Variants in FSTL5 observed in about 807,000 individuals in gnomAD.
The protein encoded by FSTL5 is follistatin-related protein 5.
Under a neutral mutation model 89.1 loss-of-function variants are expected in FSTL5, and 62 were observed. The ratio of observed to expected loss-of-function variants is 0.70; its 90% CI spans 0.57 to 0.86. FSTL5 has a LOEUF of 0.86. Among genes scored for constraint, FSTL5 ranks in the 40% least tolerant of loss-of-function variants. The pLI is 0.00. For missense variants in FSTL5, 1,057 were observed against 1,001.6 expected (o/e 1.06, Z -0.75); for synonymous variants, 383 against 346.2 (o/e 1.11, Z -1.18).
intron 3 of FSTL5, among the ~76,000 whole-genome samples, chr4:161,965,295 C>T (rs17459074): frequency 0.051 from 7,819 of 152,008 alleles, 248 homozygotes; most frequent in Non-Finnish European, 0.076. Context: ...ATGTTTGTAC[C>T]CCTTCTACAT....
intron 12 of FSTL5, among the ~76,000 whole-genome samples, chr4:161,488,434 A>G (rs1729751569): frequency 6.6e-6 from 1 of 152,136 alleles, no homozygotes; most frequent in South Asian, 2.1e-4. Flanking sequence ...TTTCAGCTAT[A>G]CAATAAAAAC....
intron 3 of FSTL5, among the ~76,000 whole-genome samples, chr4:161,931,334 A>G (rs1734277915): frequency 6.6e-6 from 1 of 151,900 alleles, no homozygotes; most frequent in Admixed American, 6.6e-5. Context: ...CTAGGTGAAT[A>G]TAGTGTGAGT....
chr4:161,553,026 A>C (rs1013464844), intron 8 of FSTL5, among the ~76,000 whole-genome samples: 1 of 151,712 alleles, frequency 6.6e-6, no homozygotes, highest in Non-Finnish European at 1.5e-5. Context: ...AAGTGTTGTC[A>C]CATTGGATTT....
chr4:162,050,766 G>GGAATTT (rs1738352991), intron 2 of FSTL5, among the ~76,000 whole-genome samples: 1 of 151,120 alleles, frequency 6.6e-6, no homozygotes, highest in Admixed American at 6.6e-5. Flanking sequence ...AGAAAACAAA[G>GGAATTT]GAATTTGAAT....
intron 4 of FSTL5, among the ~76,000 whole-genome samples, chr4:161,860,579 A>T (rs1016480281): frequency 6.6e-6 from 1 of 152,210 alleles, no homozygotes; most frequent in Non-Finnish European, 1.5e-5. Context: ...CGATGGTAAC[A>T]CACATCTAGG....
chr4:161,532,206 A>T (rs988401758), intron 10 of FSTL5, among the ~76,000 whole-genome samples: 7 of 152,136 alleles, frequency 4.6e-5, no homozygotes, highest in Admixed American at 4.6e-4. Context: ...TCTCCAAAAA[A>T]AAAAAAAGAA....
chr4:161,955,134 T>C (rs1403276657), intron 3 of FSTL5, among the ~76,000 whole-genome samples: 3 of 151,624 alleles, frequency 2.0e-5, no homozygotes, highest in Non-Finnish European at 4.4e-5. Flanking sequence ...AATTATGAAA[T>C]GTATAATTTT....
At chr4:161,484,798 G>A (rs999184493) in intron 12 of FSTL5, among the ~76,000 whole-genome samples, 2 of 152,118 alleles carry the variant, frequency 1.3e-5, no homozygotes, top group African/African-American at 4.8e-5. Context: ...AGGAGAGAAC[G>A]CTTGCTTTCA....
chr4:161,807,357 T>C (rs1730001916), intron 4 of FSTL5, among the ~76,000 whole-genome samples: 1 of 152,112 alleles, frequency 6.6e-6, no homozygotes. Flanking sequence ...TGAGCCATGG[T>C]TCCTAGCCCA....
At chr4:161,889,724 C>G (rs781054595) in intron 4 of FSTL5, among the ~76,000 whole-genome samples, 40 of 152,182 alleles carry the variant, frequency 2.6e-4, no homozygotes, top group Non-Finnish European at 3.7e-4. Flanking sequence ...AAACTGCCTC[C>G]TCTCCAGTTT....
At chr4:161,588,662 C>T (rs1056883144) in intron 7 of FSTL5, among the ~76,000 whole-genome samples, 1 of 152,038 alleles carries the variant, frequency 6.6e-6, no homozygotes, top group Non-Finnish European at 1.5e-5. Flanking sequence ...TTCACAATAG[C>T]CCACAGAGTA....
At chr4:161,583,270 G>A (rs950691221) in intron 8 of FSTL5, among the ~76,000 whole-genome samples, 6 of 152,048 alleles carry the variant, frequency 3.9e-5, no homozygotes, top group African/African-American at 1.4e-4. Flanking sequence ...CCCTCTTCCT[G>A]TTTCCCTGTT....
At chr4:161,860,887 T>A (rs565367996) in intron 4 of FSTL5, among the ~76,000 whole-genome samples, 1 of 151,988 alleles carries the variant, frequency 6.6e-6, no homozygotes, top group Non-Finnish European at 1.5e-5. Context: ...CTTCTCTCCC[T>A]CTCTCTCTTT....
At chr4:161,820,225 A>G (rs576420132) in intron 4 of FSTL5, among the ~76,000 whole-genome samples, 10 of 152,290 alleles carry the variant, frequency 6.6e-5, no homozygotes, top group African/African-American at 2.4e-4. Context: ...TTGGAAGATA[A>G]AGATTACAGG....
intron 1 of FSTL5, among the ~76,000 whole-genome samples, chr4:162,129,510 C>T (rs1436593935): frequency 6.6e-6 from 1 of 152,116 alleles, no homozygotes; most frequent in East Asian, 1.9e-4. Context: ...GCACAGTAAT[C>T]AACAAACACT....
intron 7 of FSTL5, among the ~76,000 whole-genome samples, chr4:161,612,190 C>A (rs1734677812): frequency 6.6e-6 from 1 of 152,070 alleles, no homozygotes; most frequent in Non-Finnish European, 1.5e-5. Context: ...TCAATTTTAA[C>A]ATTACTTTAG....
intron 2 of FSTL5, among the ~76,000 whole-genome samples, chr4:162,057,958 A>T (rs2111273537): frequency 6.6e-6 from 1 of 152,180 alleles, no homozygotes; most frequent in African/African-American, 2.4e-5. Flanking sequence ...GAATAAAAAT[A>T]ATAATAATAA....
At chr4:162,032,082 T>C (rs1477910607) in intron 3 of FSTL5, among the ~76,000 whole-genome samples, 1 of 152,170 alleles carries the variant, frequency 6.6e-6, no homozygotes, top group Non-Finnish European at 1.5e-5. Flanking sequence ...TCCTAGATAG[T>C]AGTTGGAAAA....
At chr4:162,074,856 A>T (rs1378517321) in intron 2 of FSTL5, among the ~76,000 whole-genome samples, 1 of 151,750 alleles carries the variant, frequency 6.6e-6, no homozygotes, top group Admixed American at 6.6e-5. Context: ...CCTACTAAAC[A>T]TCATACCTTA....
Sources: allele counts gnomAD v4.1 joint callset (sites outside exome capture counted in the v4.1 genomes callset), GRCh38; gene constraint gnomAD v4.1.1; transcripts MANE v1.5; gene names NCBI Gene and HGNC (gene_info 2026-07-23, HGNC 2026-07-21).